FANCC: variants seen among roughly 807,000 people sequenced by gnomAD.
FANCC encodes FA complementation group C.
In FANCC, 55 loss-of-function variants were observed where a neutral mutation model predicts 71.3. The observed-to-expected ratio is 0.77, with a 90% CI of 0.62 to 0.97. The LOEUF (loss-of-function observed/expected upper bound fraction) is 0.97. FANCC is among the 50% of genes least tolerant of loss of function. The pLI is 0.00. For synonymous variants in FANCC, 275 were observed against 244.9 expected (o/e 1.12, Z -1.15); for missense variants, 678 against 670.9 (o/e 1.01, Z -0.12).
intron 4 of FANCC, among the ~76,000 whole-genome samples, chr9:95,226,126 T>G (rs953438148): frequency 6.6e-6 from 1 of 152,192 alleles, no homozygotes; most frequent in African/African-American, 2.4e-5. Context: ...AATAAAACCA[T>G]GATATTTAAG....
intron 4 of FANCC, among the ~76,000 whole-genome samples, chr9:95,238,031 G>C (rs1177874702): frequency 6.6e-6 from 1 of 152,198 alleles, no homozygotes; most frequent in Admixed American, 6.5e-5. Context: ...CAGCACTGCT[G>C]TATGGCATTA....
At chr9:95,210,507 T>C (rs1396939016) in intron 4 of FANCC, among the ~76,000 whole-genome samples, 3 of 152,132 alleles carry the variant, frequency 2.0e-5, no homozygotes, top group African/African-American at 7.2e-5. Flanking sequence ...TCAGGCATTG[T>C]TCTAAAAGCT....
intron 4 of FANCC, among the ~76,000 whole-genome samples, chr9:95,185,471 GCCTAGA>G (rs1261676643): frequency 6.6e-6 from 1 of 152,160 alleles, no homozygotes; most frequent in Non-Finnish European, 1.5e-5. Flanking sequence ...TAAGCTTAGG[GCCTAGA>G]CCTTATTTCC....
intron 1 of FANCC, among the ~76,000 whole-genome samples, chr9:95,285,512 TAACAC>T (rs1833638316): frequency 1.3e-5 from 2 of 152,186 alleles, no homozygotes; most frequent in Admixed American, 1.3e-4. Flanking sequence ...AAATGAAAAA[TAACAC>T]TACAAGTCAA....
At chr9:95,217,867 G>A (rs1828972836) in intron 4 of FANCC, among the ~76,000 whole-genome samples, 1 of 152,018 alleles carries the variant, frequency 6.6e-6, no homozygotes, top group Admixed American at 6.5e-5. Flanking sequence ...AGTTCATGGG[G>A]GAGAAAAAAG....
At chr9:95,175,321 C>T (rs891886942) in intron 4 of FANCC, among the ~76,000 whole-genome samples, 3 of 152,078 alleles carry the variant, frequency 2.0e-5, no homozygotes, top group African/African-American at 4.8e-5. Context: ...ACAAAAAACC[C>T]CCAGTAATAT....
At chr9:95,209,090 T>C (rs1828328917) in intron 4 of FANCC, among the ~76,000 whole-genome samples, 1 of 152,156 alleles carries the variant, frequency 6.6e-6, no homozygotes, top group South Asian at 2.1e-4. Context: ...AAAAATGAGC[T>C]ACTAAATGAT....
At chr9:95,189,115 A>T (rs1407135974) in intron 4 of FANCC, among the ~76,000 whole-genome samples, 2 of 152,182 alleles carry the variant, frequency 1.3e-5, no homozygotes, top group Non-Finnish European at 2.9e-5. Context: ...TCCCTTTTGC[A>T]GTTTTACATC....
At chr9:95,123,864 C>T (rs1588094348) in intron 10 of FANCC, 5 of 584,762 alleles carry the variant, frequency 8.6e-6, no homozygotes, top group South Asian at 2.9e-5. Context: ...CCAAAGCCCA[C>T]GTAAGGAGTT....
At chr9:95,167,993 A>G (rs565012334) in intron 6 of FANCC, among the ~76,000 whole-genome samples, 1 of 152,342 alleles carries the variant, frequency 6.6e-6, no homozygotes, top group African/African-American at 2.4e-5. Context: ...GGACCCGGCT[A>G]GACATTCTGG....
At chr9:95,135,739 T>A (rs576678559) in intron 7 of FANCC, among the ~76,000 whole-genome samples, 1 of 152,134 alleles carries the variant, frequency 6.6e-6, no homozygotes, top group East Asian at 1.9e-4. Context: ...AGGAAAAAAA[T>A]TGCTTTCAAA....
intron 4 of FANCC, among the ~76,000 whole-genome samples, chr9:95,228,522 C>T (rs936080061): frequency 3.9e-5 from 6 of 152,214 alleles, no homozygotes; most frequent in African/African-American, 9.7e-5. Flanking sequence ...AATCACTGAA[C>T]GCTTACTGTG....
chr9:95,229,574 TG>T (rs1197437044), intron 4 of FANCC, among the ~76,000 whole-genome samples: 1 of 152,134 alleles, frequency 6.6e-6, no homozygotes, highest in East Asian at 1.9e-4. Context: ...GCTTTTTAAC[TG>T]AGTTAAGGAA....
chr9:95,111,402 C>A (rs1374173643), intron 13 of FANCC, 61 bp downstream of exon 13: 12 of 1,597,854 alleles, frequency 7.5e-6, no homozygotes, highest in Non-Finnish European at 1.0e-5. Flanking sequence ...CCCCTCTCTG[C>A]AAGCTCCTCT....
chr9:95,139,299 G>A (rs1407117755), intron 7 of FANCC, among the ~76,000 whole-genome samples: 3 of 152,184 alleles, frequency 2.0e-5, no homozygotes, highest in Non-Finnish European at 2.9e-5. Context: ...ACCCAGTGCT[G>A]GGGTAGGCAG....
chr9:95,261,159 C>A (rs1280744615), intron 1 of FANCC, among the ~76,000 whole-genome samples: 1 of 152,200 alleles, frequency 6.6e-6, no homozygotes, highest in African/African-American at 2.4e-5. Flanking sequence ...AAGGTGGCTT[C>A]CGTGCAGCTC....
In FANCC at chr9:95,169,775, G is replaced by C. The variant is rs566112531; in HGVS notation, c.521+1304C>G. ...GGATGTATGCTGTAGTTAAGTCAAT[G>C]TCTCTACTGGAAAATAAGGTCTAGG... On this transcript the variant is annotated intron_variant, in intron 6 of 14. Transcript: ENST00000289081. Among the ~76,000 whole-genome samples the C allele has an allele frequency of 4.9e-4, 74 of 152,310 alleles. 1 individual carries two copies. The highest frequency in any genetic ancestry group is 4.3e-4 in the Non-Finnish European group (29 of 68,030).
chr9:95,189,530 G>A (rs903103529), intron 4 of FANCC, among the ~76,000 whole-genome samples: 1 of 152,092 alleles, frequency 6.6e-6, no homozygotes, highest in Non-Finnish European at 1.5e-5. Context: ...ATTAGTTCCG[G>A]GGGGGGAAAT....
intron 6 of FANCC, among the ~76,000 whole-genome samples, chr9:95,161,858 T>G (rs1458141065): frequency 1.4e-5 from 2 of 146,170 alleles, no homozygotes; most frequent in Non-Finnish European, 3.0e-5. Context: ...TTTTTTTTTT[T>G]TGAGACATAA....
Sources: gnomAD v4.1 joint callset for allele counts (sites outside exome capture counted in the v4.1 genomes callset) on GRCh38, gnomAD v4.1.1 for gene constraint, MANE v1.5 for transcripts, NCBI Gene and HGNC (gene_info 2026-07-23, HGNC 2026-07-21) for gene names.